Variants in TTLL11 observed in about 807,000 individuals in gnomAD.
TTLL11 encodes the protein tubulin tyrosine ligase like 11.
TTLL11 carries 42 observed loss-of-function variants against 51.7 expected under a neutral mutation model. The observed-to-expected ratio is 0.81, with a 90% CI of 0.64 to 1.05. The LOEUF (loss-of-function observed/expected upper bound fraction) is 1.05, where lower values mean the gene tolerates loss of function less well. Ranked by LOEUF, TTLL11 falls within the 50% of genes least tolerant of loss-of-function variation. The pLI is 0.00. For synonymous variants in TTLL11, 381 were observed against 383.5 expected, an observed-to-expected ratio of 0.99 and a Z score of 0.08; for missense variants, 799 against 940.4, an observed-to-expected ratio of 0.85 and a Z score of 1.97.
intron 3 of TTLL11, among the ~76,000 whole-genome samples, chr9:121,999,798 C>A (rs1843406711): frequency 1.3e-5 from 2 of 152,218 alleles, no homozygotes; most frequent in African/African-American, 4.8e-5. Context: ...TTATTACCCA[C>A]CAGCCCCCAT....
At chr9:121,920,448 C>T (rs1015128280) in intron 6 of TTLL11, among the ~76,000 whole-genome samples, 2 of 152,170 alleles carry the variant, frequency 1.3e-5, no homozygotes, top group African/African-American at 4.8e-5. Context: ...ATGATCTAAA[C>T]CAGATGAGCT....
chr9:122,062,258 A>G (rs1432367727), intron 1 of TTLL11, among the ~76,000 whole-genome samples: 1 of 152,102 alleles, frequency 6.6e-6, no homozygotes, highest in African/African-American at 2.4e-5. Flanking sequence ...ACCACATCAC[A>G]CAGGGGCTCT....
chr9:122,088,976 C>T (rs1050361768), intron 1 of TTLL11, among the ~76,000 whole-genome samples: 2 of 146,870 alleles, frequency 1.4e-5, no homozygotes, highest in African/African-American at 5.1e-5. Flanking sequence ...AAGATAGCAC[C>T]ACTGCACTCC....
chr9:121,991,181 A>T (rs1843101479), intron 3 of TTLL11, among the ~76,000 whole-genome samples: 1 of 152,226 alleles, frequency 6.6e-6, no homozygotes, highest in African/African-American at 2.4e-5. Flanking sequence ...AAGCCAGGAC[A>T]TCTGCACTCT....
intron 6 of TTLL11, among the ~76,000 whole-genome samples, chr9:121,879,789 G>A (rs887661825): frequency 3.8e-5 from 1 of 26,132 alleles, no homozygotes; most frequent in African/African-American, 2.0e-4. Flanking sequence ...AACATAGCGA[G>A]ACCCCACTTC....
At chr9:121,852,425 C>T (rs1053370415) in intron 8 of TTLL11, among the ~76,000 whole-genome samples, 18 of 152,128 alleles carry the variant, frequency 1.2e-4, no homozygotes, top group Admixed American at 5.2e-4. Flanking sequence ...ACTCAGCTGC[C>T]GGCTTTCTAC....
intron 3 of TTLL11, among the ~76,000 whole-genome samples, chr9:122,026,239 G>A (rs1332461695): frequency 6.6e-6 from 1 of 152,052 alleles, no homozygotes; most frequent in East Asian, 1.9e-4. Flanking sequence ...AGGAGTTGGA[G>A]ACCAGCCTGG....
At chr9:121,837,211 T>C (rs888051255) in intron 8 of TTLL11, among the ~76,000 whole-genome samples, 1 of 151,754 alleles carries the variant, frequency 6.6e-6, no homozygotes, top group Non-Finnish European at 1.5e-5. Context: ...GTTTTCTTCT[T>C]TTTTTGATAT....
chr9:121,986,485 T>C (rs1842944813), intron 4 of TTLL11, among the ~76,000 whole-genome samples: 1 of 152,194 alleles, frequency 6.6e-6, no homozygotes, highest in South Asian at 2.1e-4. Flanking sequence ...CAGGACTTGT[T>C]TTCTCTGGCC....
At chr9:121,863,583 T>C (rs1023999905) in intron 7 of TTLL11, among the ~76,000 whole-genome samples, 2 of 152,252 alleles carry the variant, frequency 1.3e-5, no homozygotes, top group African/African-American at 4.8e-5. Context: ...TCCCTAGTGA[T>C]GCCTGCAAAT....
intron 6 of TTLL11, among the ~76,000 whole-genome samples, chr9:121,967,080 G>C (rs552456825): frequency 3.9e-5 from 6 of 152,022 alleles, no homozygotes; most frequent in Non-Finnish European, 8.8e-5. Context: ...TTAGGCCAAA[G>C]TGACTTTACC....
chr9:122,006,286 AG>A (rs1434790701), intron 3 of TTLL11, among the ~76,000 whole-genome samples: 1 of 151,796 alleles, frequency 6.6e-6, no homozygotes, highest in Non-Finnish European at 1.5e-5. Context: ...GGCTGCAGTG[AG>A]CTGAGATGGC....
At chr9:121,835,753 C>T (rs1354444238) in intron 8 of TTLL11, among the ~76,000 whole-genome samples, 4 of 152,220 alleles carry the variant, frequency 2.6e-5, no homozygotes, top group African/African-American at 4.8e-5. Context: ...TCCCATCCAA[C>T]GTCACCCCTG....
chr9:122,064,549 A>G (rs1378745048), intron 1 of TTLL11, among the ~76,000 whole-genome samples: 1 of 152,170 alleles, frequency 6.6e-6, no homozygotes, highest in Non-Finnish European at 1.5e-5. Context: ...GCATTTATCC[A>G]TTTTACAGAT....
intron 6 of TTLL11, among the ~76,000 whole-genome samples, chr9:121,958,988 G>T (rs1349389548): frequency 2.0e-5 from 3 of 152,140 alleles, no homozygotes; most frequent in Non-Finnish European, 1.5e-5. Context: ...CAAGGGGGGG[G>T]GTCCAGTGCT....
intron 1 of TTLL11, among the ~76,000 whole-genome samples, chr9:122,045,597 A>T (rs935924816): frequency 2.6e-5 from 4 of 152,192 alleles, no homozygotes; most frequent in African/African-American, 9.6e-5. Flanking sequence ...AGATATTTAT[A>T]TACCAACATT....
chr9:121,859,010 C>A (rs1004123695), intron 8 of TTLL11, among the ~76,000 whole-genome samples: 1 of 152,094 alleles, frequency 6.6e-6, no homozygotes, highest in African/African-American at 2.4e-5. Flanking sequence ...CAGGGTGCTG[C>A]GGGCTCACAG....
At chr9:121,881,015 G>A (rs1199695586) in intron 6 of TTLL11, among the ~76,000 whole-genome samples, 1 of 152,146 alleles carries the variant, frequency 6.6e-6, no homozygotes, top group African/African-American at 2.4e-5. Flanking sequence ...ACAGTCCCTG[G>A]GAAAAGCCTG....
intron 6 of TTLL11, among the ~76,000 whole-genome samples, chr9:121,935,059 A>G (rs1451406134): frequency 6.6e-6 from 1 of 151,890 alleles, no homozygotes; most frequent in East Asian, 1.9e-4. Context: ...GGTTCAAGTG[A>G]TTCTTCTGCC....
Sources: allele counts gnomAD v4.1 joint callset (sites outside exome capture counted in the v4.1 genomes callset), GRCh38; gene constraint gnomAD v4.1.1; transcripts MANE v1.5; gene names NCBI Gene and HGNC (gene_info 2026-07-23, HGNC 2026-07-21).